Variants in TACR3 observed in about 807,000 individuals in gnomAD.
The protein encoded by TACR3 is neuromedin-K receptor.
In TACR3, 34 loss-of-function variants were observed where a neutral mutation model predicts 35.0. The observed-to-expected ratio is 0.97, with a 90% CI of 0.74 to 1.30. The LOEUF (loss-of-function observed/expected upper bound fraction) is 1.30, where lower values mean the gene tolerates loss of function less well. Ranked by LOEUF, TACR3 falls within the 50% of genes most tolerant of loss-of-function variation. The probability of loss-of-function intolerance (pLI) is 0.00; values close to 1 mark genes in which losing one functional copy is unlikely to be tolerated. For missense variants in TACR3, 558 were observed against 591.7 expected (o/e 0.94, Z 0.59); for synonymous variants, 233 against 221.1 (o/e 1.05, Z -0.48).
At chr4:103,698,600 C>T (rs1330336005) in intron 1 of TACR3, among the ~76,000 whole-genome samples, 1 of 151,230 alleles carries the variant, frequency 6.6e-6, no homozygotes, top group East Asian at 1.9e-4. Flanking sequence ...AACTGATGGA[C>T]TTTATGTTAA....
chr4:103,695,070 A>G (rs1169858582), intron 1 of TACR3, among the ~76,000 whole-genome samples: 1 of 152,208 alleles, frequency 6.6e-6, no homozygotes, highest in African/African-American at 2.4e-5. Context: ...GCTTATAATC[A>G]GAAAACTTTT....
At chr4:103,638,700 G>A (rs1187147818) in intron 3 of TACR3, among the ~76,000 whole-genome samples, 1 of 152,062 alleles carries the variant, frequency 6.6e-6, no homozygotes. Flanking sequence ...ATCTGACAAA[G>A]GGCTACTATC....
chr4:103,622,278 G>A (rs980564329), intron 3 of TACR3, among the ~76,000 whole-genome samples: 2 of 152,350 alleles, frequency 1.3e-5, no homozygotes, highest in Middle Eastern at 3.4e-3. Flanking sequence ...CAGGCAAAGA[G>A]ATGTGAGCAT....
chr4:103,678,664 C>A (rs1726224246), intron 1 of TACR3, among the ~76,000 whole-genome samples: 1 of 151,702 alleles, frequency 6.6e-6, no homozygotes, highest in Non-Finnish European at 1.5e-5. Context: ...TAAAGGTACA[C>A]AAAATAGATA....
At chr4:103,599,062 A>G (rs1029421016) in intron 3 of TACR3, among the ~76,000 whole-genome samples, 7 of 152,064 alleles carry the variant, frequency 4.6e-5, no homozygotes, top group Non-Finnish European at 1.0e-4. Flanking sequence ...CCATTTTCAC[A>G]ATATTGATTC....
chr4:103,701,048 G>C (rs868180252), intron 1 of TACR3, among the ~76,000 whole-genome samples: 2 of 152,232 alleles, frequency 1.3e-5, no homozygotes, highest in South Asian at 4.1e-4. Context: ...GTTCTGGCCA[G>C]GGCAATTAGG....
intron 3 of TACR3, among the ~76,000 whole-genome samples, chr4:103,603,445 A>G (rs969379983): frequency 2.0e-5 from 3 of 152,142 alleles, no homozygotes; most frequent in African/African-American, 7.2e-5. Context: ...TGAACCCGGT[A>G]CCTCAGTTGG....
At chr4:103,626,296 C>CT (rs759616338) in intron 3 of TACR3, among the ~76,000 whole-genome samples, 1 of 152,180 alleles carries the variant, frequency 6.6e-6, no homozygotes, top group African/African-American at 2.4e-5. Flanking sequence ...AATCTGGTAT[C>CT]TTTTACCAAT....
intron 1 of TACR3, among the ~76,000 whole-genome samples, chr4:103,712,839 G>T (rs1723002098): frequency 6.6e-6 from 1 of 152,176 alleles, no homozygotes; most frequent in African/African-American, 2.4e-5. Context: ...CTTCTCAAAA[G>T]AAGACATTTA....
chr4:103,675,731 C>T (rs1411050801), intron 1 of TACR3, among the ~76,000 whole-genome samples: 1 of 152,072 alleles, frequency 6.6e-6, no homozygotes. Flanking sequence ...TAGACACGTC[C>T]GAAAGCCACT....
chr4:103,635,657 A>G lies in TACR3; in HGVS notation c.888+20537T>C, dbSNP rs78966389. ...ACTAATATTTATGCTTGAAATATAA[A>G]CCCTTTTGTAAGATTTAAATAAAAT... On this transcript the variant is annotated intron_variant, in intron 3 of 4. Transcript: ENST00000304883. Among the ~76,000 whole-genome samples, 1,250 of 152,094 alleles carry G rather than the reference A, an allele frequency of 8.2e-3. 19 individuals are homozygous for G. The highest frequency in any genetic ancestry group is 0.029 in the African/African-American group (1,185 of 41,514).
chr4:103,674,225 A>T (rs12649621), intron 1 of TACR3, among the ~76,000 whole-genome samples: 1 of 151,894 alleles, frequency 6.6e-6, no homozygotes. Context: ...ATGAGTAAAA[A>T]CTCAGATTAC....
intron 3 of TACR3, among the ~76,000 whole-genome samples, chr4:103,636,947 T>C (rs1452690781): frequency 6.6e-6 from 1 of 152,016 alleles, no homozygotes; most frequent in Non-Finnish European, 1.5e-5. Flanking sequence ...CAATAATCAA[T>C]AGCTTACCAA....
chr4:103,670,552 G>A (rs1171705872), intron 1 of TACR3, among the ~76,000 whole-genome samples: 1 of 151,472 alleles, frequency 6.6e-6, no homozygotes, highest in Non-Finnish European at 1.5e-5. Context: ...TTTATTCCTG[G>A]GTATTTTATT....
At chr4:103,656,723 A>T (rs1725741105) in intron 2 of TACR3, among the ~76,000 whole-genome samples, 1 of 152,044 alleles carries the variant, frequency 6.6e-6, no homozygotes. Flanking sequence ...GATAGAATAA[A>T]TGAATCAACC....
At chr4:103,593,514 T>C (rs774439082) in intron 3 of TACR3, 39 of 152,192 alleles carry the variant, frequency 2.6e-4, no homozygotes, top group Non-Finnish European at 5.3e-4. Flanking sequence ...AATGACTCAA[T>C]ACATGCCTAC....
intron 3 of TACR3, among the ~76,000 whole-genome samples, chr4:103,625,301 TTGG>T (rs769591428): frequency 2.0e-5 from 3 of 152,168 alleles, no homozygotes; most frequent in Non-Finnish European, 2.9e-5. Context: ...GAGTGCTCTC[TTGG>T]TGGGAAGTAG....
At chr4:103,600,190 G>A (rs1724160994) in intron 3 of TACR3, among the ~76,000 whole-genome samples, 1 of 152,118 alleles carries the variant, frequency 6.6e-6, no homozygotes, top group Admixed American at 6.5e-5. Context: ...TTGGGAGGGT[G>A]TATGTGTCAA....
Position 103,591,554 on chromosome 4 carries a change from C to T in TACR3, c.1018G>A (p.Ala340Thr). The change falls in exon 4 of 5, where the codon GCT becomes ACT. Residue 340 changes from alanine to threonine, a missense_variant. Transcript: ENST00000304883. The stretch of plus-strand genomic sequence containing the variant: ...GAGCTCATTGCCAGCCAAAAGCTAG[C>T]CAGGTAGACCTGCTGGATGTATTTC... ...RWKYIQQVYL[A>T]SFWLAMSSTM... 1 of 1,613,820 alleles carries T rather than the reference C, an allele frequency of 6.2e-7. No homozygotes were observed. Among genetic ancestry groups the T allele is most frequent in the African/African-American group, 1.3e-5 (1 of 75,010 alleles).
Sources: gnomAD v4.1 joint callset for allele counts (sites outside exome capture counted in the v4.1 genomes callset) on GRCh38, gnomAD v4.1.1 for gene constraint, MANE v1.5 for transcripts, NCBI Gene and HGNC (gene_info 2026-07-23, HGNC 2026-07-21) for gene names.